Variants in SGCZ observed in about 807,000 individuals in gnomAD.
The protein encoded by SGCZ is zeta-sarcoglycan.
In SGCZ, 40 loss-of-function variants were observed where a neutral mutation model predicts 41.3. The ratio of observed to expected loss-of-function variants is 0.97; its 90% confidence interval spans 0.75 to 1.26. The LOEUF (loss-of-function observed/expected upper bound fraction) is 1.26. SGCZ is among the 50% of genes most tolerant of loss of function. SGCZ has a pLI of 0.00. For synonymous variants in SGCZ, 206 were observed against 137.5 expected (o/e 1.50, Z -3.49); for missense variants, 552 against 369.8 (o/e 1.49, Z -4.04).
intron 5 of SGCZ, among the ~76,000 whole-genome samples, chr8:14,157,634 G>C (rs1201830003): frequency 2.6e-5 from 4 of 151,648 alleles, no homozygotes; most frequent in Non-Finnish European, 5.9e-5. Context: ...AAAGAAGAAT[G>C]TTGAAAGTAC....
chr8:14,645,162 A>G (rs73188138), intron 1 of SGCZ, among the ~76,000 whole-genome samples: 1 of 151,776 alleles, frequency 6.6e-6, no homozygotes, highest in Non-Finnish European at 1.5e-5. Flanking sequence ...TTCAACTTAA[A>G]CTATAAAATG....
chr8:14,149,791 A>G (rs1803642543), intron 5 of SGCZ, among the ~76,000 whole-genome samples: 1 of 152,150 alleles, frequency 6.6e-6, no homozygotes. Flanking sequence ...GTGGAGCTAC[A>G]GCAACAAAAG....
At position 14,091,677 on chromosome 8, in the gene SGCZ, CT is replaced by C. The variant is rs1470606688; in HGVS notation, c.745-1041del. ...ACCCACTTTTTGATGGAATTGTTTG[CT>C]TTTTTCCTGTAAATTTGTTTGTTTA... On this transcript the variant is annotated intron_variant, in intron 7 of 7. Transcript: ENST00000382080. Among the ~76,000 whole-genome samples, 5 of 152,032 alleles carry C rather than the reference CT, an allele frequency of 3.3e-5. No individual in the cohort carries two copies. The East Asian group carries it at 7.8e-4, about 24-fold the overall frequency.
intron 1 of SGCZ, among the ~76,000 whole-genome samples, chr8:15,166,341 G>A (rs540200797): frequency 1.3e-5 from 2 of 150,964 alleles, no homozygotes; most frequent in Non-Finnish European, 2.9e-5. Context: ...TCTGCCTCCC[G>A]GGTTCACACC....
At chr8:14,716,442 A>C (rs1809693435) in intron 1 of SGCZ, among the ~76,000 whole-genome samples, 2 of 152,208 alleles carry the variant, frequency 1.3e-5, no homozygotes, top group African/African-American at 2.4e-5. Context: ...TACATCTCCC[A>C]AAACTGAATG....
intron 1 of SGCZ, among the ~76,000 whole-genome samples, chr8:14,949,617 A>C (rs1800565158): frequency 6.6e-6 from 1 of 152,116 alleles, no homozygotes; most frequent in African/African-American, 2.4e-5. Flanking sequence ...TGAGACATGG[A>C]GACATTTCTA....
intron 1 of SGCZ, among the ~76,000 whole-genome samples, chr8:14,902,049 G>A (rs556638645): frequency 1.4e-4 from 22 of 152,016 alleles, no homozygotes; most frequent in Non-Finnish European, 2.8e-4. Flanking sequence ...ACATTTTAGT[G>A]GACACTTTAT....
intron 2 of SGCZ, among the ~76,000 whole-genome samples, chr8:14,332,135 T>C (rs1380713979): frequency 1.3e-5 from 2 of 151,706 alleles, no homozygotes; most frequent in African/African-American, 4.8e-5. Flanking sequence ...GGATGAAAAA[T>C]TAAAAATAAA....
intron 1 of SGCZ, among the ~76,000 whole-genome samples, chr8:15,096,577 T>A (rs184853414): frequency 2.9e-4 from 44 of 152,318 alleles, no homozygotes; most frequent in Admixed American, 2.6e-3. Flanking sequence ...AGCACAGGCC[T>A]GAGAAGCCTT....
intron 2 of SGCZ, among the ~76,000 whole-genome samples, chr8:14,434,707 A>G (rs1427958610): frequency 1.3e-5 from 2 of 151,940 alleles, no homozygotes; most frequent in Admixed American, 6.6e-5. Context: ...ATAGTTCCAA[A>G]TATTTTAATT....
At chr8:14,659,484 T>G (rs759850768) in intron 1 of SGCZ, among the ~76,000 whole-genome samples, 12 of 152,200 alleles carry the variant, frequency 7.9e-5, no homozygotes, top group Non-Finnish European at 1.5e-4. Context: ...TGTAAAGTAT[T>G]TGTTAATAAT....
At chr8:15,109,106 A>C (rs945757137) in intron 1 of SGCZ, among the ~76,000 whole-genome samples, 1 of 152,176 alleles carries the variant, frequency 6.6e-6, no homozygotes, top group African/African-American at 2.4e-5. Flanking sequence ...AATAAAACAC[A>C]CACACACACT....
chr8:14,525,160 ATAGAT>A (rs1336447831), intron 2 of SGCZ, among the ~76,000 whole-genome samples: 38 of 133,294 alleles, frequency 2.9e-4, no homozygotes, highest in African/African-American at 9.4e-4. Context: ...AGATAGATAG[ATAGAT>A]AGATAGATAG....
intron 1 of SGCZ, among the ~76,000 whole-genome samples, chr8:15,134,188 C>A (rs1304325965): frequency 6.6e-6 from 1 of 151,782 alleles, no homozygotes; most frequent in Non-Finnish European, 1.5e-5. Flanking sequence ...ACAGTAAAAA[C>A]AAACAAACAA....
At chr8:14,963,851 C>T (rs775732490) in intron 1 of SGCZ, among the ~76,000 whole-genome samples, 38 of 152,122 alleles carry the variant, frequency 2.5e-4, no homozygotes, top group Non-Finnish European at 4.6e-4. Context: ...CAAAGTTTCA[C>T]GCTTTCCTTC....
intron 1 of SGCZ, among the ~76,000 whole-genome samples, chr8:15,061,383 G>C (rs183298028): frequency 1.3e-5 from 2 of 151,972 alleles, no homozygotes; most frequent in Admixed American, 6.6e-5. Context: ...GGGCCTGTTG[G>C]GGGTGCGGGG....
At chr8:14,948,891 CT>C (rs368486277) in intron 1 of SGCZ, among the ~76,000 whole-genome samples, 11 of 152,014 alleles carry the variant, frequency 7.2e-5, no homozygotes, top group Admixed American at 1.3e-4. Flanking sequence ...CTCTCTCTCT[CT>C]CTCTCAAAAT....
At chr8:14,136,289 C>G (rs765493) in intron 5 of SGCZ, among the ~76,000 whole-genome samples, 1 of 151,914 alleles carries the variant, frequency 6.6e-6, no homozygotes, top group Admixed American at 6.6e-5. Context: ...GTTAATCTCA[C>G]TGGGACTGCG....
At chr8:15,158,381 AT>A (rs1358860384) in intron 1 of SGCZ, among the ~76,000 whole-genome samples, 1 of 152,120 alleles carries the variant, frequency 6.6e-6, no homozygotes, top group Non-Finnish European at 1.5e-5. Context: ...CATGGCTGAT[AT>A]TTTTGTGCAT....
Sources: gnomAD v4.1 joint callset for allele counts (sites outside exome capture counted in the v4.1 genomes callset) on GRCh38, gnomAD v4.1.1 for gene constraint, MANE v1.5 for transcripts, NCBI Gene and HGNC (gene_info 2026-07-23, HGNC 2026-07-21) for gene names.